Variants in CCDC125 observed in about 807,000 individuals in gnomAD.
CCDC125 encodes coiled-coil domain-containing protein 125.
A neutral mutation model predicts 57.4 loss-of-function variants in CCDC125; 43 were observed. The observed-to-expected ratio is 0.75, with a 90% CI of 0.59 to 0.97. CCDC125 has a LOEUF of 0.97. Among genes scored for constraint, CCDC125 ranks in the 50% least tolerant of loss-of-function variants. The pLI is 0.00. For synonymous variants in CCDC125, 187 were observed against 195.2 expected (o/e 0.96, Z 0.35); for missense variants, 563 against 595.7 (o/e 0.95, Z 0.57).
intron 1 of CCDC125, among the ~76,000 whole-genome samples, chr5:69,323,092 A>G (rs1760290324): frequency 6.6e-6 from 1 of 151,938 alleles, no homozygotes; most frequent in Non-Finnish European, 1.5e-5. Context: ...GGATCACTTG[A>G]GGTCAGAAGT....
At chr5:69,324,709 G>A (rs546159315) in intron 1 of CCDC125, among the ~76,000 whole-genome samples, 129 of 152,144 alleles carry the variant, frequency 8.5e-4, no homozygotes, top group Non-Finnish European at 1.5e-3. Flanking sequence ...CAGACATTAC[G>A]CTAACAAAAA....
intron 7 of CCDC125, among the ~76,000 whole-genome samples, 184 bp downstream of exon 7, chr5:69,303,663 C>T (rs951581616): frequency 2.0e-5 from 3 of 151,998 alleles, no homozygotes; most frequent in Non-Finnish European, 4.4e-5. Flanking sequence ...CTGTGCCCAG[C>T]CAGGAATTGT....
chr5:69,294,772 G>A, intron 9 of CCDC125, 21 bp downstream of exon 9: 1 of 1,531,384 alleles, frequency 6.5e-7, no homozygotes, highest in East Asian at 2.3e-5. Context: ...TAAAGCTTTT[G>A]CTGTTGTGAT....
chr5:69,324,442 A>G (rs1020251033), intron 1 of CCDC125, among the ~76,000 whole-genome samples: 21 of 152,328 alleles, frequency 1.4e-4, no homozygotes, highest in Non-Finnish European at 2.5e-4. Flanking sequence ...TCTTACAAAC[A>G]TGTGACCTGG....
intron 11 of CCDC125, among the ~76,000 whole-genome samples, chr5:69,283,914 C>T (rs1159934057): frequency 6.6e-6 from 1 of 151,750 alleles, no homozygotes; most frequent in Non-Finnish European, 1.5e-5. Context: ...TCTCAGCCTC[C>T]CATGTAGCTA....
intron 10 of CCDC125, among the ~76,000 whole-genome samples, chr5:69,287,913 T>G (rs1057475101): frequency 1.3e-5 from 2 of 152,156 alleles, no homozygotes; most frequent in Non-Finnish European, 2.9e-5. Context: ...TCTCAGTGCC[T>G]TACTGGAACT....
At position 69,311,203 on chromosome 5, in the gene CCDC125, T is replaced by A; in HGVS notation, c.368A>T (p.Glu123Val). 6.3e-7 allele frequency: 1 copy of A among 1,591,868 alleles called. No individual in the cohort carries two copies. The highest frequency in any genetic ancestry group is 8.6e-7 in the Non-Finnish European group (1 of 1,162,148). Residue 123 changes from glutamate (E) to valine (V), a missense_variant and splice_region_variant, in exon 4 of 12, where the codon GAG becomes GTG. Transcript: ENST00000396496. ...AAGTTCAGTTTTTAACATTTCTACC[T>A]CCTGAGGACAGAAAGAAAATTAGTC... ...LRQCLNETLE[E>V]VEMLKTELEA...
chr5:69,318,279 C>T (rs1248509120), intron 2 of CCDC125, among the ~76,000 whole-genome samples: 5 of 151,278 alleles, frequency 3.3e-5, no homozygotes, highest in Non-Finnish European at 7.4e-5. Flanking sequence ...AGCACCTGGC[C>T]GAAAAAATTT....
chr5:69,313,723 C>T (rs1758535694), intron 3 of CCDC125: 21 of 773,046 alleles, frequency 2.7e-5, no homozygotes, highest in Non-Finnish European at 4.3e-5. Flanking sequence ...TTGCCCTCCC[C>T]TTCAGGATGA....
chr5:69,302,811 C>T (rs1381077349), intron 7 of CCDC125, among the ~76,000 whole-genome samples: 1 of 151,838 alleles, frequency 6.6e-6, no homozygotes, highest in Admixed American at 6.6e-5. Flanking sequence ...AGATATATAA[C>T]ATATAAATTA....
intron 1 of CCDC125, among the ~76,000 whole-genome samples, chr5:69,325,947 G>A (rs1760686507): frequency 6.6e-6 from 1 of 151,312 alleles, no homozygotes; most frequent in South Asian, 2.1e-4. Context: ...AGGCTCAAGT[G>A]ATTCTCCCAC....
rs747613496 is a variant in CCDC125, at chr5:69,313,942, A to C, written c.366+43T>G. ...CGAGAGCACTGCAGCCGCTGCTGGG[A>C]CCCAGCTAAACTGATAATTTTTATA... On this transcript the variant is annotated intron_variant, in intron 3 of 11. Transcript: ENST00000396496. 25 of 1,404,278 alleles carry C rather than the reference A, an allele frequency of 1.8e-5. No homozygotes were observed. The African/African-American group carries it at 2.8e-4, about 16-fold the overall frequency. 87.0% of individuals were successfully genotyped at this position (1,404,278 alleles called of 1,614,324 possible).
At chr5:69,292,434 A>ATT (rs768696858) in intron 9 of CCDC125, 72 bp from the exon 10 acceptor site, 27 of 1,136,838 alleles carry the variant, frequency 2.4e-5, no homozygotes, top group Non-Finnish European at 3.5e-5. Context: ...GGGGAATCAA[A>ATT]TTAACATATG....
At chr5:69,303,955 C>T in intron 6 of CCDC125, 26 bp from the exon 7 acceptor site, 2 of 1,290,868 alleles carry the variant, frequency 1.5e-6, no homozygotes, top group Middle Eastern at 1.9e-4. Context: ...TTTCAAATAA[C>T]TAAAACATTA....
At chr5:69,276,153 C>T (rs1021990196), downstream of CCDC125, among the ~76,000 whole-genome samples, 4 of 152,058 alleles carry the variant, frequency 2.6e-5, no homozygotes, top group Non-Finnish European at 4.4e-5. Flanking sequence ...CTCAGCCTCC[C>T]GAGTAGTGGG....
intron 11 of CCDC125, among the ~76,000 whole-genome samples, chr5:69,284,767 G>A (rs1753038209): frequency 6.6e-6 from 1 of 152,088 alleles, no homozygotes; most frequent in African/African-American, 2.4e-5. Flanking sequence ...CACACTGGAA[G>A]AAGAAGAATT....
chr5:69,316,722 A>T (rs1354980779), intron 2 of CCDC125, among the ~76,000 whole-genome samples: 2 of 152,152 alleles, frequency 1.3e-5, no homozygotes, highest in African/African-American at 2.4e-5. Flanking sequence ...TATGTTGACC[A>T]GGCTGGTGTC....
Position 69,305,194 on chromosome 5 carries a change from G to A in CCDC125, c.618-1265C>T, listed in dbSNP as rs1757139468. 2.0e-5 allele frequency among the ~76,000 whole-genome samples: 3 copies of A among 152,040 alleles called. No homozygotes were observed. In the South Asian group the frequency reaches 6.2e-4, roughly 31 times the overall value. On this transcript the variant is annotated intron_variant, in intron 6 of 11. Transcript: ENST00000396496. ...CAAAATGGCGTACATACATAACATG[G>A]AATATTATTCAGTCTTTCTGGTTTT...
At chr5:69,314,993 C>T (rs528658788) in intron 2 of CCDC125, among the ~76,000 whole-genome samples, 1 of 152,282 alleles carries the variant, frequency 6.6e-6, no homozygotes, top group Non-Finnish European at 1.5e-5. Flanking sequence ...CAGTGGCTCA[C>T]ACCTGTAATC....
Sources: allele counts gnomAD v4.1 joint callset (sites outside exome capture counted in the v4.1 genomes callset), GRCh38; gene constraint gnomAD v4.1.1; transcripts MANE v1.5; gene names NCBI Gene and HGNC (gene_info 2026-07-23, HGNC 2026-07-21).